Variants in RBFOX1 observed in about 807,000 individuals in gnomAD.
RBFOX1 encodes RNA binding fox-1 homolog 1.
RBFOX1 carries 8 observed loss-of-function variants against 57.7 expected under a neutral mutation model. The ratio of observed to expected loss-of-function variants is 0.14; its 90% confidence interval spans 0.08 to 0.25. The LOEUF (loss-of-function observed/expected upper bound fraction) is 0.25, where lower values mean the gene tolerates loss of function less well. Among genes scored for constraint, RBFOX1 ranks in the 10% least tolerant of loss-of-function variants. The pLI, the probability that RBFOX1 is intolerant of heterozygous loss-of-function variation, is 1.00. For synonymous variants in RBFOX1, 326 were observed against 222.4 expected, an observed-to-expected ratio of 1.47 and a Z score of -4.15; for missense variants, 611 against 548.5, an observed-to-expected ratio of 1.11 and a Z score of -1.14.
intron 4 of RBFOX1, among the ~76,000 whole-genome samples, chr16:7,491,928 G>C (rs2067099508): frequency 6.6e-6 from 1 of 152,180 alleles, no homozygotes; most frequent in African/African-American, 2.4e-5. Flanking sequence ...ACCACTCCGT[G>C]TGTTCCTTTT....
intron 3 of RBFOX1, among the ~76,000 whole-genome samples, chr16:7,006,323 T>A (rs1179169831): frequency 6.6e-6 from 1 of 152,002 alleles, no homozygotes; most frequent in East Asian, 1.9e-4. Flanking sequence ...CCCAGCTAAT[T>A]TTTGTATTTT....
intron 3 of RBFOX1, among the ~76,000 whole-genome samples, chr16:6,938,831 C>G (rs2077820400): frequency 1.3e-5 from 2 of 152,104 alleles, no homozygotes; most frequent in Non-Finnish European, 2.9e-5. Context: ...ACTCGGTAGG[C>G]TGAGGCAGGA....
chr16:5,385,395 G>A (rs572394055), intron 1 of RBFOX1, among the ~76,000 whole-genome samples: 1 of 152,282 alleles, frequency 6.6e-6, no homozygotes, highest in African/African-American at 2.4e-5. Flanking sequence ...TAATGTATTG[G>A]ATTAAAATGT....
intron 4 of RBFOX1, among the ~76,000 whole-genome samples, chr16:7,111,098 C>T (rs1332838866): frequency 6.6e-6 from 1 of 152,062 alleles, no homozygotes; most frequent in Non-Finnish European, 1.5e-5. Flanking sequence ...TTCACTATGT[C>T]GAGACATGTG....
At chr16:7,513,840 C>G (rs768222947) in intron 4 of RBFOX1, among the ~76,000 whole-genome samples, 1 of 152,132 alleles carries the variant, frequency 6.6e-6, no homozygotes, top group Non-Finnish European at 1.5e-5. Context: ...AGCCTGTGTG[C>G]CTGTGAGTTT....
intron 1 of RBFOX1, among the ~76,000 whole-genome samples, chr16:6,189,849 A>G (rs1361484296): frequency 6.6e-6 from 1 of 152,102 alleles, no homozygotes; most frequent in Non-Finnish European, 1.5e-5. Context: ...TGTTGTGTAG[A>G]AGCTTTTTCA....
At chr16:5,353,383 A>AT (rs1596624825) in intron 1 of RBFOX1, among the ~76,000 whole-genome samples, 1 of 151,830 alleles carries the variant, frequency 6.6e-6, no homozygotes, top group Admixed American at 6.6e-5. Context: ...AAAAAAAAAA[A>AT]AAAAGACTTC....
intron 3 of RBFOX1, among the ~76,000 whole-genome samples, chr16:6,776,176 C>T (rs1567195228): frequency 6.6e-6 from 1 of 152,168 alleles, no homozygotes; most frequent in African/African-American, 2.4e-5. Context: ...CTTTGGGAGG[C>T]CAGTGCAGAC....
At chr16:6,606,025 C>A (rs1365260700) in intron 2 of RBFOX1, among the ~76,000 whole-genome samples, 1 of 152,076 alleles carries the variant, frequency 6.6e-6, no homozygotes, top group Non-Finnish European at 1.5e-5. Flanking sequence ...AGGAGGATCA[C>A]TTGAACCCAG....
chr16:6,256,171 GTATA>G (rs1302097316), intron 1 of RBFOX1, among the ~76,000 whole-genome samples: 2 of 7,640 alleles, frequency 2.6e-4, no homozygotes, highest in Admixed American at 2.3e-3. Context: ...ATATATATAT[GTATA>G]TATATATATA....
At chr16:6,000,171 A>T (rs1033021066) in intron 4 of RBFOX1, among the ~76,000 whole-genome samples, 1 of 152,024 alleles carries the variant, frequency 6.6e-6, no homozygotes, top group African/African-American at 2.4e-5. Flanking sequence ...CATTTACAGG[A>T]TGTGTTTTCT....
intron 4 of RBFOX1, among the ~76,000 whole-genome samples, chr16:7,313,419 A>C (rs1219309730): frequency 6.7e-6 from 1 of 150,312 alleles, no homozygotes. Flanking sequence ...AGGATTCCTG[A>C]AGACTTTCTT....
intron 4 of RBFOX1, among the ~76,000 whole-genome samples, chr16:7,470,791 G>A (rs2061420065): frequency 6.6e-6 from 1 of 152,128 alleles, no homozygotes; most frequent in African/African-American, 2.4e-5. Flanking sequence ...GATCTCACTG[G>A]GGTGGTCATG....
chr16:6,347,727 G>A (rs573235396), intron 2 of RBFOX1, among the ~76,000 whole-genome samples: 16 of 152,238 alleles, frequency 1.1e-4, no homozygotes, highest in African/African-American at 3.9e-4. Flanking sequence ...AATATCATAA[G>A]ACACATTCAC....
chr16:6,591,979 C>A (rs2097717459), intron 2 of RBFOX1, among the ~76,000 whole-genome samples: 1 of 152,148 alleles, frequency 6.6e-6, no homozygotes, highest in African/African-American at 2.4e-5. Context: ...CTACTGTGGG[C>A]TGTATGACTT....
rs779859295 is a variant in RBFOX1, at chr16:6,880,935, C to G, written c.-15-171122C>G. Among the ~76,000 whole-genome samples the G allele has an allele frequency of 3.3e-5, 5 of 152,122 alleles. No homozygotes were observed. In the South Asian group the frequency reaches 6.2e-4, roughly 19 times the overall value. Reference sequence around the variant, plus strand: ...GCAGAGTGACAAAAAGATGTAAATGCTACATTAGGAGATTCAATCTAATAA... The same window carrying G: ...GCAGAGTGACAAAAAGATGTAAATGGTACATTAGGAGATTCAATCTAATAA... On this transcript the variant is annotated intron_variant, in intron 3 of 15. Transcript: ENST00000550418.
intron 1 of RBFOX1, among the ~76,000 whole-genome samples, chr16:5,441,879 C>T (rs866394229): frequency 2.6e-5 from 4 of 152,134 alleles, no homozygotes; most frequent in African/African-American, 9.7e-5. Context: ...GAAACTGACA[C>T]CATGATTCAG....
intron 1 of RBFOX1, among the ~76,000 whole-genome samples, chr16:6,229,854 T>G (rs1015105927): frequency 6.6e-6 from 1 of 152,172 alleles, no homozygotes; most frequent in Non-Finnish European, 1.5e-5. Context: ...TTTGGACTTT[T>G]CTTTTGATAG....
intron 1 of RBFOX1, among the ~76,000 whole-genome samples, chr16:6,178,369 T>C (rs1598102769): frequency 6.6e-6 from 1 of 151,620 alleles, no homozygotes; most frequent in South Asian, 2.1e-4. Flanking sequence ...ATTTTTAGTA[T>C]AGATGGGGTT....
Sources: allele counts gnomAD v4.1 joint callset (sites outside exome capture counted in the v4.1 genomes callset), GRCh38; gene constraint gnomAD v4.1.1; transcripts MANE v1.5; gene names NCBI Gene and HGNC (gene_info 2026-07-23, HGNC 2026-07-21).